The following ZNF729 variants were observed in gnomAD, a reference collection of about 807,000 sequenced individuals.
ZNF729 encodes zinc finger protein 729.
ZNF729 carries 15 observed loss-of-function variants against 12.2 expected under a neutral mutation model. The ratio of observed to expected loss-of-function variants is 1.23; its 90% CI spans 0.82 to 1.89. The LOEUF is 1.89. ZNF729 is among the 40% of genes most tolerant of loss of function. ZNF729 has a pLI of 0.00. For synonymous variants in ZNF729, 492 were observed against 476.3 expected (o/e 1.03, Z -0.43); for missense variants, 1,540 against 1,456.7 (o/e 1.06, Z -0.93).
chr19:22,295,730 C>T (rs1161143021), intron 1 of ZNF729, among the ~76,000 whole-genome samples: 1 of 152,166 alleles, frequency 6.6e-6, no homozygotes, highest in Admixed American at 6.5e-5. Context: ...TAAACGCTTT[C>T]AGCTTGTATC....
At chr19:22,304,411 C>T (rs1014910548) in intron 2 of ZNF729, among the ~76,000 whole-genome samples, 1 of 152,128 alleles carries the variant, frequency 6.6e-6, no homozygotes, top group Non-Finnish European at 1.5e-5. Context: ...GTATTTTTCA[C>T]TCTAGATTAG....
intron 1 of ZNF729, among the ~76,000 whole-genome samples, chr19:22,289,750 T>C (rs1033232535): frequency 6.6e-6 from 1 of 152,176 alleles, no homozygotes; most frequent in Non-Finnish European, 1.5e-5. Context: ...AAAACATCAG[T>C]TCCTCTTTTT....
At position 22,304,014 on chromosome 19, in the gene ZNF729, G is replaced by GATTT. The variant is rs1021376302; in HGVS notation, c.157+133_157+136dup. On this transcript the variant is annotated intron_variant, in intron 2 of 3. Coordinates refer to ENST00000601693, the MANE Select transcript of ZNF729 (RefSeq NM_001242680.2). Reference sequence around the variant, plus strand: ...CACATCCCTGTTTTCTGGAAACAGGGATTTATAAGTGTAGAAAGGAATTTT... The same window carrying GATTT: ...CACATCCCTGTTTTCTGGAAACAGGGATTTATTTATAAGTGTAGAAAGGAATTTT... The GATTT allele has an allele frequency of 4.8e-6, 4 of 825,134 alleles. No homozygotes were observed. The African/African-American group carries it at 7.5e-5, about 15-fold the overall frequency. 51.1% of individuals were successfully genotyped at this position (825,134 alleles called of 1,614,324 possible). A position where few individuals can be genotyped will look rare whatever the true frequency, so the allele number is the denominator to read the frequency against.
chr19:22,314,755 C>T lies in ZNF729; in HGVS notation c.1338C>T (p.Thr446=). 6.2e-7 allele frequency: 1 copy of T among 1,613,046 alleles called. No individual in the cohort carries two copies. The highest frequency in any genetic ancestry group is 1.1e-5 in the South Asian group (1 of 91,022). Residue 446 remains threonine (T), a synonymous_variant, in exon 4 of 4, where the codon ACC becomes ACT. Transcript: ENST00000601693. ...GCAAAGCTTTTAACAGTTCCTCAAC[C>T]CTTATGAAACATAAGATAATTCATA... ...ECGKAFNSSS[T]LMKHKIIHTG...
At chr19:22,302,133 C>T (rs1344580456) in intron 1 of ZNF729, among the ~76,000 whole-genome samples, 1 of 152,310 alleles carries the variant, frequency 6.6e-6, no homozygotes, top group South Asian at 2.1e-4. Flanking sequence ...TCCCCTCATA[C>T]AAGAGATACC....
chr19:22,294,651 CTTTTTCTTTTTTT>C (rs1376183970), intron 1 of ZNF729, among the ~76,000 whole-genome samples: 1 of 109,390 alleles, frequency 9.1e-6, no homozygotes, highest in Non-Finnish European at 2.0e-5. Flanking sequence ...TTTTTTTTTT[CTTTTTCTTTTTTT>C]TTTTTTTTTT....
At chr19:22,297,912 A>G (rs1231326972) in intron 1 of ZNF729, among the ~76,000 whole-genome samples, 1 of 149,828 alleles carries the variant, frequency 6.7e-6, no homozygotes, top group African/African-American at 2.5e-5. Flanking sequence ...GGCTGAGGCC[A>G]GAGAATTGCT....
Position 22,315,324 on chromosome 19 carries a change from C to G in ZNF729, c.1907C>G (p.Ala636Gly), listed in dbSNP as rs1386960460. 1 of 1,613,444 alleles carries G rather than the reference C, an allele frequency of 6.2e-7. No homozygotes were observed. The highest frequency in any genetic ancestry group is 8.5e-7 in the Non-Finnish European group (1 of 1,179,756). ...TACAAATGTGAAGAATGTGGCAAAG[C>G]TTTTAGGCAATCCTCACACCTTACT... The part of the protein sequence containing the change: ...KPYKCEECGK[A>G]FRQSSHLTRH... The change falls in exon 4 of 4, where the codon GCT (alanine) becomes GGT (glycine). Residue 636 changes from alanine (A) to glycine (G), a missense_variant. By Grantham distance (60) the Ala-to-Gly change is moderately conservative. Coordinates refer to ENST00000601693, the MANE Select transcript of ZNF729 (RefSeq NM_001242680.2).
chr19:22,313,777 A>G lies in ZNF729; in HGVS notation c.360A>G (p.Leu120=). The G allele has an allele frequency of 6.3e-7, 1 of 1,597,544 alleles. No homozygotes were observed. The highest frequency in any genetic ancestry group is 8.5e-7 in the Non-Finnish European group (1 of 1,173,200). The change falls in exon 4 of 4, where the codon TTA becomes TTG. Residue 120 remains leucine (L), a synonymous_variant. Transcript: ENST00000601693. ...ATGCAAGATGTGGACATAAGAATTT[A>G]CGATTAAGAAAAGATTGTAAAAGTG... ...RTYARCGHKN[L]RLRKDCKSAN...
At chr19:22,298,008 A>G (rs1213275336) in intron 1 of ZNF729, among the ~76,000 whole-genome samples, 2 of 123,286 alleles carry the variant, frequency 1.6e-5, no homozygotes, top group East Asian at 2.0e-4. Context: ...TCCATCTCAA[A>G]AAAAAAAAAA....
At chr19:22,297,625 T>A (rs1968245492) in intron 1 of ZNF729, among the ~76,000 whole-genome samples, 1 of 136,972 alleles carries the variant, frequency 7.3e-6, no homozygotes, top group Non-Finnish European at 1.5e-5. Flanking sequence ...ATTCATTGCT[T>A]TGTTTTTGCT....
Position 22,313,834 on chromosome 19 carries a change from T to C in ZNF729, c.417T>C (p.Tyr139=). 1.3e-6 allele frequency: 2 copies of C among 1,578,618 alleles called. No individual in the cohort carries two copies. Among genetic ancestry groups the C allele is most frequent in the Non-Finnish European group, 1.7e-6 (2 of 1,164,130 alleles). The change falls in exon 4 of 4, where the codon TAT becomes TAC. Residue 139 remains tyrosine, a synonymous_variant. Coordinates refer to ENST00000601693, the MANE Select transcript of ZNF729 (RefSeq NM_001242680.2). The part of the protein sequence containing the change: ...ANEGKMHKEG[Y]NKLNQCRTAT... ...AGGGTAAGATGCACAAAGAAGGTTA[T>C]AATAAACTTAACCAATGCAGGACAG...
chr19:22,304,996 C>T (rs1968361311), intron 3 of ZNF729, among the ~76,000 whole-genome samples: 1 of 152,124 alleles, frequency 6.6e-6, no homozygotes, highest in South Asian at 2.1e-4. Context: ...TGGTGATCTC[C>T]CTTCAAGTTT....
chr19:22,302,897 C>A (rs1968332188), intron 1 of ZNF729, among the ~76,000 whole-genome samples: 1 of 152,134 alleles, frequency 6.6e-6, no homozygotes, highest in Non-Finnish European at 1.5e-5. Context: ...TCAAGTGATT[C>A]TCCTGCCTCA....
chr19:22,314,249 A>T lies in ZNF729; in HGVS notation c.832A>T (p.Asn278Tyr). The T allele has an allele frequency of 6.2e-7, 1 of 1,608,786 alleles. No individual in the cohort carries two copies. The highest frequency in any genetic ancestry group is 8.5e-7 in the Non-Finnish European group (1 of 1,178,024). The change falls in exon 4 of 4, where the codon AAT becomes TAT. Residue 278 changes from asparagine (N) to tyrosine (Y), a missense_variant. By Grantham distance (143) the Asn-to-Tyr change is moderately radical (BLOSUM62 -2). Coordinates refer to ENST00000601693, the MANE Select transcript of ZNF729 (RefSeq NM_001242680.2). ...ECGKAFNQSSNLTDHKRIHTG... is the reference protein window; with the variant it reads ...ECGKAFNQSSYLTDHKRIHTG... ...TGGCAAAGCTTTTAACCAGTCCTCA[A>T]ATCTTACTGACCATAAGAGAATTCA...
rs763379627 is a variant in ZNF729 at position 22,315,156 on chromosome 19, C to T, written c.1739C>T (p.Ala580Val). 1 of 1,611,568 alleles carries T rather than the reference C, an allele frequency of 6.2e-7. No individual in the cohort carries two copies. Reference protein sequence around the residue: ...KPCKCEECGKAFKHFSALRKH... With the variant: ...KPCKCEECGKVFKHFSALRKH... ...TGCAAATGTGAAGAATGTGGCAAAG[C>T]TTTTAAGCATTTCTCAGCCCTCAGA... is the stretch of plus-strand genomic sequence containing the variant. The change falls in exon 4 of 4, where the codon GCT becomes GTT. Residue 580 changes from alanine (A) to valine (V), a missense_variant. Physicochemically the swap from Ala to Val is moderately conservative, Grantham distance 64. Transcript: ENST00000601693.
chr19:22,311,639 G>A (rs1968450780), intron 3 of ZNF729, among the ~76,000 whole-genome samples: 2 of 152,148 alleles, frequency 1.3e-5, no homozygotes, highest in African/African-American at 2.4e-5. Flanking sequence ...AAAGTTTCAT[G>A]TGCTGTTGAA....
At chr19:22,294,085 G>T (rs1599752606) in intron 1 of ZNF729, among the ~76,000 whole-genome samples, 2 of 152,072 alleles carry the variant, frequency 1.3e-5, no homozygotes, top group African/African-American at 4.8e-5. Flanking sequence ...ATCTTGAAGG[G>T]TTTTTTATAA....
At chr19:22,307,800 GTTTTTT>G in intron 3 of ZNF729, among the ~76,000 whole-genome samples, 10 of 53,368 alleles carry the variant, frequency 1.9e-4, no homozygotes, top group African/African-American at 6.3e-4. Flanking sequence ...AAAGCTCTGT[GTTTTTT>G]TTTTTTTTTT....
Sources: allele counts gnomAD v4.1 joint callset (sites outside exome capture counted in the v4.1 genomes callset), GRCh38; gene constraint gnomAD v4.1.1; transcripts MANE v1.5; gene names NCBI Gene and HGNC (gene_info 2026-07-23, HGNC 2026-07-21).